Variants in GHDC observed in about 807,000 individuals in gnomAD.
GHDC encodes GH3 domain-containing protein.
Under a neutral mutation model 51.5 loss-of-function variants are expected in GHDC, and 39 were observed. That is an observed-to-expected ratio of 0.76 (90% CI 0.59 to 0.99). The LOEUF (loss-of-function observed/expected upper bound fraction) is 0.99, where lower values mean the gene tolerates loss of function less well. GHDC is among the 50% of genes least tolerant of loss of function. GHDC has a pLI of 0.00. For missense variants in GHDC, 610 were observed against 672.8 expected, an observed-to-expected ratio of 0.91 and a Z score of 1.03; for synonymous variants, 282 against 305.2, an observed-to-expected ratio of 0.92 and a Z score of 0.79.
At chr17:42,190,088 C>A in intron 9 of GHDC, 97 bp downstream of exon 9, 1 of 1,472,652 alleles carries the variant, frequency 6.8e-7, no homozygotes. Flanking sequence ...TCTCCTCCGC[C>A]ACCCCTCTCC....
intron 5 of GHDC, among the ~76,000 whole-genome samples, chr17:42,191,924 C>G (rs185451399): frequency 1.3e-5 from 2 of 151,768 alleles, no homozygotes; most frequent in South Asian, 4.2e-4. Flanking sequence ...CACCATACTC[C>G]GCTAGTTTTT....
chr17:42,192,344 C>T lies in GHDC; in HGVS notation c.786G>A (p.Val262=). 6.2e-7 allele frequency: 1 copy of T among 1,613,232 alleles called. No homozygotes were observed. The highest frequency in any genetic ancestry group is 8.5e-7 in the Non-Finnish European group (1 of 1,179,846). ...ALRLWPKLQV[V]VTLDAGGQAE... The stretch of plus-strand genomic sequence containing the variant: ...CCTGGCCTCCTGCATCCAGAGTCAC[C>T]ACCACCTGCAGCTTTGGCCAGAGCC... Residue 262 remains valine, a synonymous_variant, in exon 5 of 10, where the codon GTG becomes GTA. Transcript: ENST00000587427.
chr17:42,190,827 C>T lies in GHDC; in HGVS notation c.1154+5G>A, dbSNP rs772629029. 1.2e-6 allele frequency: 2 copies of T among 1,613,530 alleles called. No individual in the cohort carries two copies. The highest frequency in any genetic ancestry group is 1.3e-5 in the African/African-American group (1 of 74,920). ...ATGGCCCTTCAGCTCCCCGGGGTCA[C>T]CTACCTGCAGATGAACCTGACGACT... On this transcript the variant is annotated splice_donor_5th_base_variant and intron_variant, in intron 7 of 9. Transcript: ENST00000587427.
intron 5 of GHDC, 59 bp from the exon 6 acceptor site, chr17:42,191,269 A>G (rs2079967161): frequency 9.1e-6 from 13 of 1,435,608 alleles, no homozygotes; most frequent in South Asian, 6.1e-5. Context: ...CTGCCAGGCA[A>G]TAGCCCCTCC....
intron 8 of GHDC, 54 bp from the exon 9 acceptor site, chr17:42,190,324 G>A (rs1380426627): frequency 6.2e-7 from 1 of 1,614,056 alleles, no homozygotes; most frequent in Non-Finnish European, 8.5e-7. Flanking sequence ...CAGCTGCCAA[G>A]TCTAGTGTCC....
rs1376759567 is a variant in GHDC, at chr17:42,189,473, G to A, written c.*230C>T. Reference sequence around the variant, plus strand: ...ACTCTCTAGCAGTGTCCTTCATGCCGGGACATGGGGACACGGGCAGGCACT... The same window carrying A: ...ACTCTCTAGCAGTGTCCTTCATGCCAGGACATGGGGACACGGGCAGGCACT... On this transcript the variant is annotated 3_prime_UTR_variant, in exon 10 of 10. Transcript: ENST00000587427. 7.3e-6 allele frequency: 3 copies of A among 412,992 alleles called. No homozygotes were observed. The highest frequency in any genetic ancestry group is 2.0e-5 in the African/African-American group (1 of 48,852). 25.6% of individuals were successfully genotyped at this position (412,992 alleles called of 1,614,324 possible).
In GHDC at chr17:42,192,551, TG is replaced by T. The variant is rs766277831; in HGVS notation, c.578del (p.Pro193GlnfsTer3). 64 of 1,613,640 alleles carry T rather than the reference TG, an allele frequency of 4.0e-5. No homozygotes were observed. The highest frequency in any genetic ancestry group is 5.0e-5 in the Non-Finnish European group (59 of 1,180,028). ...RALLLDALRS[P>X]GLRALEAGTA... ...TCCCAGCCTCCAGTGCCCTCAGCCC[TG>T]GGGACCTCAGTGCGTCCAGCAGCAG... is the stretch of plus-strand genomic sequence containing the variant. On this transcript the variant is annotated frameshift_variant, in exon 5 of 10. Transcript: ENST00000587427. LOFTEE classifies it high-confidence loss of function.
In GHDC at chr17:42,192,511, G is replaced by T; in HGVS notation, c.619C>A (p.Leu207Met). Residue 207 changes from leucine (L) to methionine (M), a missense_variant, in exon 5 of 10, where the codon CTG becomes ATG. Transcript: ENST00000587427. ...ALEAGTAVEL[L>M]DVFLGLETDG... ...GTCTCCAGGCCCAAGAAAACATCCAGAAGTTCGACAGCCGTCCCAGCCTCC... is the reference window on the plus strand; with the variant it reads ...GTCTCCAGGCCCAAGAAAACATCCATAAGTTCGACAGCCGTCCCAGCCTCC... The T allele has an allele frequency of 6.2e-7, 1 of 1,613,728 alleles. No individual in the cohort carries two copies. Among genetic ancestry groups the T allele is most frequent in the Non-Finnish European group, 8.5e-7 (1 of 1,180,038 alleles).
Position 42,193,459 on chromosome 17 carries a change from C to A in GHDC, c.123G>T (p.Trp41Cys). 6.4e-7 allele frequency: 1 copy of A among 1,556,408 alleles called. No homozygotes were observed. The highest frequency in any genetic ancestry group is 2.4e-5 in the East Asian group (1 of 41,600). The change falls in exon 3 of 10, where the codon TGG (tryptophan) becomes TGT (cysteine). Residue 41 changes from tryptophan to cysteine, a missense_variant. Physicochemically the swap from Trp to Cys is radical, Grantham distance 215. This residue lies in a region of GHDC where 198 missense variants were observed against 262.3 expected (regional missense o/e 0.75). Coordinates refer to ENST00000587427, the MANE Select transcript of GHDC (RefSeq NM_032484.5). ...WLAGLQHRVAWGALVWAATWQ... is the reference protein window; with the variant it reads ...WLAGLQHRVACGALVWAATWQ... Reference sequence around the variant, plus strand: ...AGGTGGCTGCCCAGACCAGGGCCCCCCATGCCACTCGGTGCTGGAGGCCAG... The same window carrying A: ...AGGTGGCTGCCCAGACCAGGGCCCCACATGCCACTCGGTGCTGGAGGCCAG...
intron 3 of GHDC, 39 bp downstream of exon 3, chr17:42,193,278 T>G (rs752870600): frequency 4.5e-6 from 7 of 1,541,208 alleles, no homozygotes; most frequent in Non-Finnish European, 6.1e-6. Context: ...TGGGGTTTCT[T>G]TCTCTTTGGG....
chr17:42,189,426 G>C lies in GHDC; in HGVS notation c.*277C>G, dbSNP rs1292725124. ...AGAACCTCTTTGGGCTGTGATACAG[G>C]AAACCATCGGTGTGCATGGTAACTC... On this transcript the variant is annotated 3_prime_UTR_variant, in exon 10 of 10. Coordinates refer to ENST00000587427, the MANE Select transcript of GHDC (RefSeq NM_032484.5). 1 of 394,658 alleles carries C rather than the reference G, an allele frequency of 2.5e-6. No homozygotes were observed. Among genetic ancestry groups the C allele is most frequent in the Non-Finnish European group, 4.5e-6 (1 of 224,082 alleles). The allele number at this position is 394,658 out of a possible 1,614,324, so 24.4% of individuals were successfully genotyped here.
In GHDC at chr17:42,190,816, C is replaced by T; in HGVS notation, c.1154+16G>A. 1 of 1,613,674 alleles carries T rather than the reference C, an allele frequency of 6.2e-7. No homozygotes were observed. Among genetic ancestry groups the T allele is most frequent in the Non-Finnish European group, 8.5e-7 (1 of 1,179,906 alleles). On this transcript the variant is annotated intron_variant, in intron 7 of 9. Transcript: ENST00000587427. ...AGGACACAAGGATGGCCCTTCAGCTCCCCGGGGTCACCTACCTGCAGATGA... is the reference window on the plus strand; with the variant it reads ...AGGACACAAGGATGGCCCTTCAGCTTCCCGGGGTCACCTACCTGCAGATGA...
chr17:42,190,023 G>T, intron 9 of GHDC, 102 bp from the exon 10 acceptor site: 1 of 1,333,490 alleles, frequency 7.5e-7, no homozygotes, highest in Non-Finnish European at 1.0e-6. Context: ...AGTTTTGTGT[G>T]GACAGGTGTG....
chr17:42,189,114 C>G lies in GHDC; in HGVS notation c.*589G>C. 1 of 398,680 alleles carries G rather than the reference C, an allele frequency of 2.5e-6. No individual in the cohort carries two copies. Among genetic ancestry groups the G allele is most frequent in the Non-Finnish European group, 4.4e-6 (1 of 226,134 alleles). The allele number at this position is 398,680 out of a possible 1,614,324, so 24.7% of individuals were successfully genotyped here. A position where few individuals can be genotyped will look rare whatever the true frequency, so the allele number is the denominator to read the frequency against. On this transcript the variant is annotated 3_prime_UTR_variant, in exon 10 of 10. Coordinates refer to ENST00000587427, the MANE Select transcript of GHDC (RefSeq NM_032484.5). ...TGGGTGCAAGAGGTTTATTTGGGAGCCATCCCAGGAAGCCCAAGGCGGGGG... is the reference window on the plus strand; with the variant it reads ...TGGGTGCAAGAGGTTTATTTGGGAGGCATCCCAGGAAGCCCAAGGCGGGGG...
chr17:42,190,330 T>C, intron 8 of GHDC, 60 bp from the exon 9 acceptor site: 1 of 1,613,922 alleles, frequency 6.2e-7, no homozygotes, highest in Non-Finnish European at 8.5e-7. Flanking sequence ...CCAAGTCTAG[T>C]GTCCTCTGCC....
chr17:42,189,770 G>T lies in GHDC; in HGVS notation c.1526C>A (p.Pro509His). Reference sequence around the variant, plus strand: ...GTGCCGAAGGACCCGGGGCATCGCAGGGGGGAAGGGGGAGGAGGGGCAGGC... The same window carrying T: ...GTGCCGAAGGACCCGGGGCATCGCATGGGGGAAGGGGGAGGAGGGGCAGGC... ...LAACPSSPFP[P>H]AMPRVLRHRH... The change falls in exon 10 of 10, where the codon CCT becomes CAT. Residue 509 changes from proline (P) to histidine (H), a missense_variant. This residue lies in a region of GHDC where 412 missense variants were observed against 410.4 expected (regional missense o/e 1.00). Coordinates refer to ENST00000587427, the MANE Select transcript of GHDC (RefSeq NM_032484.5). 1 of 1,531,766 alleles carries T rather than the reference G, an allele frequency of 6.5e-7. No homozygotes were observed. The highest frequency in any genetic ancestry group is 2.3e-5 in the East Asian group (1 of 42,660). 94.9% of individuals were successfully genotyped at this position (1,531,766 alleles called of 1,614,324 possible).
In GHDC at chr17:42,189,775, G is replaced by T. The variant is rs992617259; in HGVS notation, c.1521C>A (p.Phe507Leu). Residue 507 changes from phenylalanine (F) to leucine (L), a missense_variant, in exon 10 of 10, where the codon TTC becomes TTA. By Grantham distance (22) the Phe-to-Leu change is conservative. Around this residue, in one of 2 missense-constraint regions of GHDC, gnomAD observed 412 missense variants for 410.4 expected, o/e 1.00. Transcript: ENST00000587427. ...GAAGGACCCGGGGCATCGCAGGGGG[G>T]AAGGGGGAGGAGGGGCAGGCAGCGA... ...AALAACPSSP[F>L]PPAMPRVLRH... is the part of the protein sequence containing the mutation. The T allele has an allele frequency of 2.6e-6, 4 of 1,541,756 alleles. No individual in the cohort carries two copies. The Middle Eastern group carries it at 7.1e-4, about 273-fold the overall frequency.
In GHDC at chr17:42,191,167, G is replaced by C; in HGVS notation, c.933C>G (p.Leu311=). Residue 311 remains leucine, a synonymous_variant, in exon 6 of 10, where the codon CTC becomes CTG. Coordinates refer to ENST00000587427, the MANE Select transcript of GHDC (RefSeq NM_032484.5). Reference sequence around the variant, plus strand: ...AGGGGGCCCCAGGGGGCAGAAGGTAGAGCCCATGGGGCTGCTCTGGCTGTA... The same window carrying C: ...AGGGGGCCCCAGGGGGCAGAAGGTACAGCCCATGGGGCTGCTCTGGCTGTA... ...LNLQPEQPHG[L]YLLPPGAPFI... The C allele has an allele frequency of 6.5e-7, 1 of 1,548,894 alleles. No individual in the cohort carries two copies. Among genetic ancestry groups the C allele is most frequent in the Non-Finnish European group, 8.7e-7 (1 of 1,151,238 alleles).
intron 5 of GHDC, among the ~76,000 whole-genome samples, chr17:42,191,935 G>A (rs534758099): frequency 1.1e-4 from 17 of 151,854 alleles, no homozygotes; most frequent in African/African-American, 3.6e-4. Flanking sequence ...GCTAGTTTTT[G>A]TATTTTTAGT....
Sources: gnomAD v4.1 joint callset for allele counts (sites outside exome capture counted in the v4.1 genomes callset) on GRCh38, gnomAD v4.1.1 for gene constraint, gnomAD v4.1.1 regional missense constraint, MANE v1.5 for transcripts, NCBI Gene and HGNC (gene_info 2026-07-23, HGNC 2026-07-21) for gene names.